The following ASTN2 variants were observed in gnomAD, a reference collection of about 807,000 sequenced individuals.
The protein encoded by ASTN2 is astrotactin-2.
In ASTN2, 54 loss-of-function variants were observed where a neutral mutation model predicts 139.8. That is an observed-to-expected ratio of 0.39 (90% CI 0.31 to 0.48). The LOEUF is 0.48. ASTN2 is among the 20% of genes least tolerant of loss of function. The pLI, the probability that ASTN2 is intolerant of heterozygous loss-of-function variation, is 0.95. For missense variants in ASTN2, 1,565 were observed against 1,725.1 expected (o/e 0.91, Z 1.64); for synonymous variants, 756 against 719.5 (o/e 1.05, Z -0.81).
intron 17 of ASTN2, among the ~76,000 whole-genome samples, chr9:116,628,280 A>T (rs559029750): frequency 6.6e-6 from 1 of 152,356 alleles, no homozygotes; most frequent in Admixed American, 6.5e-5. Context: ...AAAAGAGTAA[A>T]GAGACAAAGA....
chr9:116,502,453 G>C lies in ASTN2; in HGVS notation c.3356-14953C>G, dbSNP rs138934305. On this transcript the variant is annotated intron_variant, in intron 19 of 22. Coordinates refer to ENST00000313400, the MANE Select transcript of ASTN2 (RefSeq NM_001365068.1). ...CAGAGGAGAAATGGAGAGAGAAAGA[G>C]AGAGACATAGATAAGAACACATAGG... Among the ~76,000 whole-genome samples the C allele has an allele frequency of 1.1e-3, 172 of 151,910 alleles. 2 individuals are homozygous for C. The Middle Eastern group carries it at 0.044, about 39-fold the overall frequency.
intron 19 of ASTN2, among the ~76,000 whole-genome samples, chr9:116,523,925 C>T (rs1587934958): frequency 6.6e-6 from 1 of 152,294 alleles, no homozygotes; most frequent in Non-Finnish European, 1.5e-5. Flanking sequence ...GGAAATAATT[C>T]TCTCAGGGGT....
At chr9:117,160,950 C>T (rs1323740047) in intron 3 of ASTN2, among the ~76,000 whole-genome samples, 1 of 151,976 alleles carries the variant, frequency 6.6e-6, no homozygotes, top group Non-Finnish European at 1.5e-5. Context: ...CACACACACA[C>T]ACACGCACAC....
chr9:116,927,723 C>T (rs542935215), intron 10 of ASTN2, among the ~76,000 whole-genome samples: 5 of 152,306 alleles, frequency 3.3e-5, no homozygotes, highest in Non-Finnish European at 7.4e-5. Context: ...TAAACATAAG[C>T]ATCTCGGGGC....
At chr9:116,459,168 G>A (rs1848413411) in intron 20 of ASTN2, among the ~76,000 whole-genome samples, 1 of 151,982 alleles carries the variant, frequency 6.6e-6, no homozygotes, top group Non-Finnish European at 1.5e-5. Context: ...AATACTCTCT[G>A]TAACAAAAGA....
intron 10 of ASTN2, among the ~76,000 whole-genome samples, chr9:116,931,826 T>C: frequency 6.6e-6 from 1 of 152,136 alleles, no homozygotes; most frequent in East Asian, 1.9e-4. Context: ...TTGAGTAATT[T>C]CAGGAAAATA....
intron 7 of ASTN2, among the ~76,000 whole-genome samples, chr9:116,981,023 C>T (rs1255970233): frequency 1.3e-5 from 2 of 152,108 alleles, no homozygotes; most frequent in Non-Finnish European, 2.9e-5. Context: ...CCTTGCTCAC[C>T]ACTGCATCTC....
chr9:117,050,541 A>C lies in ASTN2; in HGVS notation c.1277-10576T>G, dbSNP rs576229259. The stretch of plus-strand genomic sequence containing the variant: ...TTTATCCCAAAAGCCCACCGTAAGC[A>C]CCAGGCAAAGCTGTCCTTACTTGAC... On this transcript the variant is annotated intron_variant, in intron 5 of 22. Coordinates refer to ENST00000313400, the MANE Select transcript of ASTN2 (RefSeq NM_001365068.1). 3.9e-5 allele frequency among the ~76,000 whole-genome samples: 6 copies of C among 152,244 alleles called. No homozygotes were observed. In the South Asian group the frequency reaches 1.2e-3, roughly 32 times the overall value.
At chr9:116,759,510 T>C (rs1393859001) in intron 13 of ASTN2, among the ~76,000 whole-genome samples, 3 of 152,160 alleles carry the variant, frequency 2.0e-5, no homozygotes, top group Non-Finnish European at 4.4e-5. Flanking sequence ...TTCACAACCA[T>C]GCTCTTCTCT....
chr9:117,274,281 T>C (rs10983599), intron 2 of ASTN2, among the ~76,000 whole-genome samples: 14,338 of 151,954 alleles, frequency 0.094, 924 homozygotes, highest in East Asian at 0.26. Flanking sequence ...CTCTGGGAGG[T>C]AGAGGTTGCA....
chr9:117,362,705 T>TCACCAC (rs995719452), intron 1 of ASTN2, among the ~76,000 whole-genome samples: 5 of 151,908 alleles, frequency 3.3e-5, no homozygotes, highest in Admixed American at 3.3e-4. Context: ...ACCTCCCTCT[T>TCACCAC]CACCACCACC....
At chr9:116,576,389 C>A (rs1352324519) in intron 19 of ASTN2, among the ~76,000 whole-genome samples, 1 of 152,128 alleles carries the variant, frequency 6.6e-6, no homozygotes, top group African/African-American at 2.4e-5. Flanking sequence ...TAAGCAGTAG[C>A]TGGAATTCAA....
At chr9:117,008,031 A>T in intron 7 of ASTN2, 61 bp downstream of exon 7, 1 of 1,472,356 alleles carries the variant, frequency 6.8e-7, no homozygotes. Context: ...GAGGGAGCAC[A>T]ATGCCTCTTT....
chr9:117,327,737 C>T (rs764045560), intron 1 of ASTN2, among the ~76,000 whole-genome samples: 29 of 152,148 alleles, frequency 1.9e-4, no homozygotes, highest in Non-Finnish European at 3.5e-4. Flanking sequence ...CTTATCCTCC[C>T]TCCTTCAACA....
At chr9:116,730,340 G>T (rs1382654028) in intron 14 of ASTN2, among the ~76,000 whole-genome samples, 1 of 151,710 alleles carries the variant, frequency 6.6e-6, no homozygotes, top group Non-Finnish European at 1.5e-5. Context: ...GTCCATTACT[G>T]TCAACTTTTT....
At chr9:117,066,158 TC>T (rs1360636811) in intron 5 of ASTN2, among the ~76,000 whole-genome samples, 2 of 107,608 alleles carry the variant, frequency 1.9e-5, no homozygotes, top group African/African-American at 7.2e-5. Flanking sequence ...CCCAATGCTA[TC>T]CCTCCCCCCT....
intron 19 of ASTN2, among the ~76,000 whole-genome samples, chr9:116,560,518 C>T (rs1199091433): frequency 6.6e-6 from 1 of 152,068 alleles, no homozygotes; most frequent in Non-Finnish European, 1.5e-5. Context: ...TCATAGTAAC[C>T]TTCAATAAGT....
chr9:116,626,162 T>G (rs898174762), intron 17 of ASTN2, among the ~76,000 whole-genome samples: 5 of 121,896 alleles, frequency 4.1e-5, no homozygotes, highest in Admixed American at 7.8e-5. Context: ...GTGTTTTTTT[T>G]TTTTTTTTTT....
Position 117,385,744 on chromosome 9 carries a change from AAGG to A in ASTN2, c.442+28750_442+28752del, listed in dbSNP as rs775623512. ...AAGGAGGGGAGGAAAGAGAAAAAGA[AAGG>A]AGCAAGAGAGAGGATATGGAAAGAG... On this transcript the variant is annotated intron_variant, in intron 1 of 22. Transcript: ENST00000313400. Among the ~76,000 whole-genome samples the A allele has an allele frequency of 4.4e-4, 67 of 152,144 alleles. 1 individual carries two copies. The highest frequency in any genetic ancestry group is 2.4e-3 in the Admixed American group (37 of 15,272).
Sources: allele counts gnomAD v4.1 joint callset (sites outside exome capture counted in the v4.1 genomes callset), GRCh38; gene constraint gnomAD v4.1.1; transcripts MANE v1.5; gene names NCBI Gene and HGNC (gene_info 2026-07-23, HGNC 2026-07-21).